PP2D1: variants seen among roughly 807,000 people sequenced by gnomAD.
The protein encoded by PP2D1 is protein phosphatase 2C-like domain-containing protein 1.
In PP2D1, 25 loss-of-function variants were observed where a neutral mutation model predicts 30.2. The observed-to-expected ratio is 0.83, with a 90% CI of 0.60 to 1.16. The LOEUF is 1.16. Ranked by LOEUF, PP2D1 falls within the 50% of genes most tolerant of loss-of-function variation. PP2D1 has a pLI of 0.00. For missense variants in PP2D1, 760 were observed against 742.4 expected (o/e 1.02, Z -0.28); for synonymous variants, 260 against 258.9 (o/e 1.00, Z -0.04).
At chr3:20,002,200 T>C in intron 1 of PP2D1, 104 bp from the exon 2 acceptor site, 1 of 689,290 alleles carries the variant, frequency 1.5e-6, no homozygotes, top group South Asian at 1.9e-5. Flanking sequence ...CACAATCTTA[T>C]ATAAGCCTAG....
At chr3:19,995,391 A>T (rs1697168245) in intron 2 of PP2D1, among the ~76,000 whole-genome samples, 1 of 152,204 alleles carries the variant, frequency 6.6e-6, no homozygotes, top group Non-Finnish European at 1.5e-5. Context: ...GACTGGAATT[A>T]TACAGCTGTG....
At position 20,012,219 on chromosome 3, in the gene PP2D1, T is replaced by C; in HGVS notation, c.-147A>G. ...GTAGTGGTGATGGTGATGATAGCGA[T>C]GGTGGGCATTCCCCTCACTTGATGG... On this transcript the variant is annotated 5_prime_UTR_variant, in exon 1 of 3. Transcript: ENST00000389050. 1.5e-6 allele frequency: 1 copy of C among 655,624 alleles called. No homozygotes were observed. Among genetic ancestry groups the C allele is most frequent in the South Asian group, 1.9e-5 (1 of 52,504 alleles). 40.6% of individuals were successfully genotyped at this position (655,624 alleles called of 1,614,324 possible). A position where few individuals can be genotyped will look rare whatever the true frequency, so the allele number is the denominator to read the frequency against.
intron 2 of PP2D1, among the ~76,000 whole-genome samples, chr3:19,993,010 C>T (rs956052341): frequency 5.9e-5 from 9 of 151,936 alleles, no homozygotes; most frequent in South Asian, 2.1e-4. Flanking sequence ...AACCACTGCA[C>T]TCCTGGCTAC....
At chr3:19,980,602 A>G (rs1010305213), downstream of PP2D1, among the ~76,000 whole-genome samples, 3 of 152,142 alleles carry the variant, frequency 2.0e-5, no homozygotes, top group Admixed American at 2.0e-4. Flanking sequence ...CTCACCTCTG[A>G]TTTAAACACT....
chr3:20,011,840 TTAAC>T (rs1409202164), intron 1 of PP2D1, among the ~76,000 whole-genome samples: 2 of 147,802 alleles, frequency 1.4e-5, no homozygotes, highest in East Asian at 3.9e-4. Flanking sequence ...AATTAATTAA[TTAAC>T]TATAAAGACA....
intron 1 of PP2D1, among the ~76,000 whole-genome samples, chr3:20,011,582 T>C (rs1032857009): frequency 6.6e-6 from 1 of 151,926 alleles, no homozygotes; most frequent in African/African-American, 2.4e-5. Context: ...GCCTATCACT[T>C]GAGGTCAGGA....
Position 20,012,169 on chromosome 3 carries a change from G to T in PP2D1, c.-97C>A. 1 of 1,017,490 alleles carries T rather than the reference G, an allele frequency of 9.8e-7. No homozygotes were observed. The highest frequency in any genetic ancestry group is 1.4e-6 in the Non-Finnish European group (1 of 692,488). The allele number at this position is 1,017,490 out of a possible 1,614,324, so 63.0% of individuals were successfully genotyped here. A position where few individuals can be genotyped will look rare whatever the true frequency, so the allele number is the denominator to read the frequency against. ...TAGTGATGGTGATGGTGGAGGTAGAGGTGAATGTGATGGCTGTGGCAGAAG... is the reference window on the plus strand; with the variant it reads ...TAGTGATGGTGATGGTGGAGGTAGATGTGAATGTGATGGCTGTGGCAGAAG... On this transcript the variant is annotated 5_prime_UTR_variant, in exon 1 of 3. Coordinates refer to ENST00000389050, the MANE Select transcript of PP2D1 (RefSeq NM_001252657.2).
chr3:19,989,759 T>C (rs1015066718), intron 2 of PP2D1, among the ~76,000 whole-genome samples: 2 of 152,182 alleles, frequency 1.3e-5, no homozygotes, highest in African/African-American at 4.8e-5. Flanking sequence ...CGGCCATAGC[T>C]CTGAAAACGA....
In PP2D1 at chr3:19,992,264, G is replaced by A. The variant is rs568277093; in HGVS notation, c.1091-6082C>T. On this transcript the variant is annotated intron_variant, in intron 2 of 2. Coordinates refer to ENST00000389050, the MANE Select transcript of PP2D1 (RefSeq NM_001252657.2). ...TACCCCTAAAGCCTAACTATATTAC[G>A]CACAAGTCTCAACTATGTGTGAAAT... is the stretch of plus-strand genomic sequence containing the variant. Among the ~76,000 whole-genome samples, 30 of 152,130 alleles carry A rather than the reference G, an allele frequency of 2.0e-4. No individual in the cohort carries two copies. The South Asian group carries it at 4.4e-3, about 22-fold the overall frequency.
downstream of PP2D1, among the ~76,000 whole-genome samples, chr3:19,982,777 AAGAG>A (rs962545249): frequency 6.6e-6 from 1 of 151,472 alleles, no homozygotes; most frequent in Non-Finnish European, 1.5e-5. Flanking sequence ...AAAAAAAAAA[AAGAG>A]AGCATGTATA....
chr3:19,980,195 A>G (rs540810241), intron 3 of PP2D1: 5 of 152,328 alleles, frequency 3.3e-5, no homozygotes, highest in East Asian at 1.9e-4. Context: ...AGAGGAAACA[A>G]TGAGTTAATA....
chr3:20,010,529 G>A (rs376305120), intron 1 of PP2D1, among the ~76,000 whole-genome samples: 9 of 152,010 alleles, frequency 5.9e-5, no homozygotes, highest in South Asian at 4.2e-4. Flanking sequence ...TAGGCCAGGC[G>A]CAGTGGCTCA....
In PP2D1 at chr3:19,985,526, C is replaced by A. The variant is rs975275873; in HGVS notation, c.1747G>T (p.Glu583Ter). The A allele has an allele frequency of 3.3e-6, 5 of 1,535,928 alleles. No individual in the cohort carries two copies. Among genetic ancestry groups the A allele is most frequent in the Admixed American group, 2.0e-5 (1 of 50,970 alleles). The change falls in exon 3 of 3, where the codon GAA (glutamate) becomes TAA (stop). Residue 583 changes from glutamate to a stop codon, truncating the protein, a stop_gained. Transcript: ENST00000389050. LOFTEE classifies it low-confidence loss of function (END_TRUNC). ...TCATAGAAACTCTTAGTGTCTGATTCTTTTTCATTTGTTGCCACATCATTT... is the reference window on the plus strand; with the variant it reads ...TCATAGAAACTCTTAGTGTCTGATTATTTTTCATTTGTTGCCACATCATTT... ...SVNDVATNEK[E>*]SDTKSFYEGA...
intron 1 of PP2D1, among the ~76,000 whole-genome samples, chr3:20,011,498 C>T (rs1386367624): frequency 6.6e-6 from 1 of 151,968 alleles, no homozygotes; most frequent in African/African-American, 2.4e-5. Flanking sequence ...TTCATTCATT[C>T]ATAATAACAA....
intron 2 of PP2D1, among the ~76,000 whole-genome samples, chr3:19,990,414 T>C (rs893782909): frequency 1.3e-4 from 20 of 152,240 alleles, no homozygotes; most frequent in Non-Finnish European, 7.3e-5. Flanking sequence ...TTTCCCAAAA[T>C]GCTGGGATTA....
At chr3:20,005,637 G>C (rs902528670) in intron 1 of PP2D1, among the ~76,000 whole-genome samples, 1 of 152,072 alleles carries the variant, frequency 6.6e-6, no homozygotes, top group African/African-American at 2.4e-5. Flanking sequence ...ATATTCAACA[G>C]TTGAGTATCT....
At chr3:19,981,502 T>G (rs2125133526), downstream of PP2D1, among the ~76,000 whole-genome samples, 1 of 151,994 alleles carries the variant, frequency 6.6e-6, no homozygotes, top group South Asian at 2.1e-4. Context: ...TAGTCCCAGC[T>G]ACTTGGGAGG....
At chr3:20,000,952 AT>A in intron 2 of PP2D1, 77 bp downstream of exon 2, 1 of 745,848 alleles carries the variant, frequency 1.3e-6, no homozygotes, top group Non-Finnish European at 1.9e-6. Context: ...ACAATAAAAA[AT>A]TGTGGAAGCA....
chr3:20,003,553 G>A (rs1171171385), intron 1 of PP2D1, among the ~76,000 whole-genome samples: 1 of 151,944 alleles, frequency 6.6e-6, no homozygotes, highest in Non-Finnish European at 1.5e-5. Flanking sequence ...GACCAGCCTG[G>A]CCAACATGGT....
Sources: gnomAD v4.1 joint callset for allele counts (sites outside exome capture counted in the v4.1 genomes callset) on GRCh38, gnomAD v4.1.1 for gene constraint, MANE v1.5 for transcripts, NCBI Gene and HGNC (gene_info 2026-07-23, HGNC 2026-07-21) for gene names.